Variants in FAAH2 observed in about 807,000 individuals in gnomAD.
FAAH2 encodes the protein fatty acid amide hydrolase 2, also known as fatty-acid amide hydrolase 2.
Under a neutral mutation model 36.9 loss-of-function variants are expected in FAAH2, and 60 were observed. That is an observed-to-expected ratio of 1.63 (90% CI 1.32 to 2.02). The LOEUF (loss-of-function observed/expected upper bound fraction) is 2.02. FAAH2 is among the 30% of genes most tolerant of loss of function. The pLI is 0.00. For missense variants in FAAH2, 689 were observed against 397.5 expected (o/e 1.73, Z -6.23); for synonymous variants, 214 against 143.8 (o/e 1.49, Z -3.49).
At chrX:57,186,662 C>T in the FAAH2 span, among the ~76,000 whole-genome samples, 1 of 111,642 alleles carries the variant, frequency 9.0e-6, no homozygotes, top group South Asian at 3.7e-4. Context: ...AATGATATTG[C>T]CTAAGTTTTC....
chrX:57,154,408 C>A, the FAAH2 span, among the ~76,000 whole-genome samples: 1 of 107,242 alleles, frequency 9.3e-6, no homozygotes, highest in East Asian at 2.9e-4. Flanking sequence ...GGACTACAGG[C>A]ACCCACGACC....
chrX:57,194,352 C>T, the FAAH2 span, among the ~76,000 whole-genome samples: 1 of 111,093 alleles, frequency 9.0e-6, no homozygotes, highest in African/African-American at 3.3e-5. Context: ...TATATTTCTG[C>T]AGTTGTAATG....
At chrX:57,122,656 A>G in the FAAH2 span, among the ~76,000 whole-genome samples, 7 of 112,320 alleles carry the variant, frequency 6.2e-5, no homozygotes, top group Non-Finnish European at 1.3e-4. Flanking sequence ...AGCAAAATAA[A>G]ATTGAACAGA....
intron 5 of FAAH2, among the ~76,000 whole-genome samples, chrX:57,348,773 A>G (rs769180965): frequency 9.0e-6 from 1 of 110,701 alleles, no homozygotes; most frequent in African/African-American, 3.3e-5. Context: ...TTATAGAAAC[A>G]CCTTCAGGAA....
chrX:57,414,629 T>G (rs368961846), intron 7 of FAAH2, among the ~76,000 whole-genome samples: 1 of 111,395 alleles, frequency 9.0e-6, no homozygotes, highest in Non-Finnish European at 1.9e-5. Flanking sequence ...AGTATTTTAT[T>G]GAGGATTTTT....
intron 10 of FAAH2, among the ~76,000 whole-genome samples, chrX:57,470,668 A>G (rs1207846483): frequency 1.8e-5 from 2 of 111,585 alleles, no homozygotes; most frequent in Non-Finnish European, 3.8e-5. Flanking sequence ...TACCAGAGGT[A>G]CAAGGAGGAG....
the FAAH2 span, among the ~76,000 whole-genome samples, chrX:57,204,339 G>A: frequency 9.0e-6 from 1 of 111,213 alleles, no homozygotes; most frequent in Non-Finnish European, 1.9e-5. Context: ...ATTATTGCCA[G>A]CCAAGGTTGA....
chrX:57,440,719 T>G (rs1189627059), intron 8 of FAAH2, among the ~76,000 whole-genome samples: 8 of 111,855 alleles, frequency 7.2e-5, no homozygotes, highest in Non-Finnish European at 1.5e-4. Context: ...GCCCATTCAA[T>G]ATGACATTGG....
chrX:57,283,814 A>G (rs1360916964), upstream of FAAH2, among the ~76,000 whole-genome samples: 3 of 112,022 alleles, frequency 2.7e-5, no homozygotes, highest in Non-Finnish European at 5.6e-5. Flanking sequence ...GCAATGGCAG[A>G]GAAGCTGTGG....
intron 10 of FAAH2, among the ~76,000 whole-genome samples, chrX:57,480,645 C>T (rs950927752): frequency 9.0e-6 from 1 of 111,577 alleles, no homozygotes; most frequent in Non-Finnish European, 1.9e-5. Flanking sequence ...GGTAACCTGA[C>T]CTTTCTTTTT....
the FAAH2 span, among the ~76,000 whole-genome samples, chrX:57,151,258 G>C: frequency 2.7e-5 from 3 of 111,228 alleles, no homozygotes; most frequent in African/African-American, 9.8e-5. Flanking sequence ...CTCTTCTCAA[G>C]GAGTATCTTT....
the FAAH2 span, among the ~76,000 whole-genome samples, chrX:57,171,361 T>C: frequency 8.9e-6 from 1 of 112,301 alleles, no homozygotes; most frequent in African/African-American, 3.2e-5. Flanking sequence ...GTTGTACTAA[T>C]TTACATTCCC....
intron 2 of FAAH2, among the ~76,000 whole-genome samples, chrX:57,299,575 T>G (rs1326339974): frequency 8.9e-6 from 1 of 111,876 alleles, no homozygotes; most frequent in Non-Finnish European, 1.9e-5. Flanking sequence ...TCACCACTCC[T>G]ATTCAACATA....
At chrX:57,372,637 G>C (rs184553256) in intron 5 of FAAH2, among the ~76,000 whole-genome samples, 2 of 111,439 alleles carry the variant, frequency 1.8e-5, no homozygotes, top group African/African-American at 6.5e-5. Flanking sequence ...AAAAGTAGTA[G>C]TAGAATTTTT....
At chrX:57,329,991 A>C (rs772406760) in intron 3 of FAAH2, among the ~76,000 whole-genome samples, 2 of 111,713 alleles carry the variant, frequency 1.8e-5, no homozygotes, top group East Asian at 2.8e-4. Flanking sequence ...TCATCTCACA[A>C]GCTGAGGAGG....
the FAAH2 span, chrX:57,229,346 C>G: frequency 9.0e-6 from 1 of 111,704 alleles, no homozygotes. Flanking sequence ...ATTCCCTTCC[C>G]AATAGGGCTT....
At chrX:57,441,385 G>C (rs1602675995) in intron 8 of FAAH2, among the ~76,000 whole-genome samples, 1 of 111,434 alleles carries the variant, frequency 9.0e-6, no homozygotes, top group Admixed American at 9.5e-5. Context: ...TAGTTTTTTT[G>C]TGTAGAAGTG....
At chrX:57,402,739 C>T (rs942532883) in intron 7 of FAAH2, among the ~76,000 whole-genome samples, 2 of 111,932 alleles carry the variant, frequency 1.8e-5, no homozygotes, top group African/African-American at 3.3e-5. Flanking sequence ...TCCTAGTTTT[C>T]CTTAGTCCTT....
intron 4 of FAAH2, among the ~76,000 whole-genome samples, chrX:57,336,151 G>T (rs762664981): frequency 1.8e-5 from 2 of 111,234 alleles, no homozygotes; most frequent in South Asian, 7.7e-4. Context: ...CAAAAGAAGG[G>T]AAAATAGCCT....
Sources: allele counts gnomAD v4.1 joint callset (sites outside exome capture counted in the v4.1 genomes callset), GRCh38; gene constraint gnomAD v4.1.1; transcripts MANE v1.5; gene names NCBI Gene and HGNC (gene_info 2026-07-23, HGNC 2026-07-21).